The following VPS13D variants were observed in gnomAD, a reference collection of about 807,000 sequenced individuals.
VPS13D encodes the protein vacuolar protein sorting 13 homolog D.
Under a neutral mutation model 461.9 loss-of-function variants are expected in VPS13D, and 187 were observed. The observed-to-expected ratio is 0.40, with a 90% CI of 0.36 to 0.46. The LOEUF is 0.46. VPS13D is among the 20% of genes least tolerant of loss of function. The probability of loss-of-function intolerance (pLI) is 0.60; values close to 1 mark genes in which losing one functional copy is unlikely to be tolerated. For missense variants in VPS13D, 4,711 were observed against 5,364.9 expected (o/e 0.88, Z 3.81); for synonymous variants, 1,951 against 1,986.3 (o/e 0.98, Z 0.47).
chr1:12,230,294 T>C (rs1639918770), intron 1 of VPS13D, among the ~76,000 whole-genome samples, 174 bp downstream of exon 1: 1 of 151,978 alleles, frequency 6.6e-6, no homozygotes, highest in Non-Finnish European at 1.5e-5. Flanking sequence ...TCTGAGCCCC[T>C]CGGGGTAACC....
chr1:12,412,817 A>C (rs1336189128), intron 63 of VPS13D, among the ~76,000 whole-genome samples: 1 of 152,240 alleles, frequency 6.6e-6, no homozygotes, highest in Non-Finnish European at 1.5e-5. Flanking sequence ...CTTAAAATTA[A>C]GACTGTCTGA....
At chr1:12,367,916 A>G (rs1477272796) in intron 52 of VPS13D, among the ~76,000 whole-genome samples, 1 of 152,020 alleles carries the variant, frequency 6.6e-6, no homozygotes, top group East Asian at 1.9e-4. Context: ...TGCAATGCAG[A>G]TTTTTAAAAA....
chr1:12,373,771 G>T lies in VPS13D; in HGVS notation c.10830G>T (p.Arg3610Ser). 6.4e-7 allele frequency: 1 copy of T among 1,555,144 alleles called. No individual in the cohort carries two copies. Residue 3610 changes from arginine (R) to serine (S), a missense_variant, in exon 55 of 70, where the codon AGG becomes AGT. Arg to Ser is a moderately radical substitution (Grantham distance 110, BLOSUM62 -1). Around this residue, in one of 3 missense-constraint regions of VPS13D, gnomAD observed 4,411 missense variants for 4,937.8 expected, o/e 0.89. Coordinates refer to ENST00000620676, the MANE Select transcript of VPS13D (RefSeq NM_015378.4). ...TFSGLQEGTG[R>S]PVASNKAITC... is the part of the protein sequence containing the mutation. ...CTAGCTTGCAGGAGGGAACAGGCAG[G>T]CCTGTGGCTTCCAACAAGGCCATTA...
intron 44 of VPS13D, among the ~76,000 whole-genome samples, chr1:12,347,913 T>C (rs779715294): frequency 1.3e-5 from 2 of 152,352 alleles, no homozygotes; most frequent in African/African-American, 2.4e-5. Flanking sequence ...AATGAACATA[T>C]GGAAAAATAA....
At chr1:12,267,787 T>G in intron 14 of VPS13D, 58 bp from the exon 15 acceptor site, 1 of 1,486,702 alleles carries the variant, frequency 6.7e-7, no homozygotes, top group Admixed American at 1.7e-5. Flanking sequence ...TGGGTTTGTT[T>G]AGTGAATTGT....
chr1:12,510,930 G>T lies in VPS13D; in HGVS notation c.*1906G>T, dbSNP rs1051056765. 9 of 152,148 alleles carry T rather than the reference G, an allele frequency of 5.9e-5. No individual in the cohort carries two copies. Among genetic ancestry groups the T allele is most frequent in the African/African-American group, 2.2e-4 (9 of 41,414 alleles). 9.4% of individuals were successfully genotyped at this position (152,148 alleles called of 1,614,324 possible). A position where few individuals can be genotyped will look rare whatever the true frequency, so the allele number is the denominator to read the frequency against. On this transcript the variant is annotated 3_prime_UTR_variant, in exon 70 of 70. Transcript: ENST00000620676. ...CTGAGATCATGATCTCTTAAAAGAT[G>T]AGACTCTCGGAAGGGTTGATTGTAT... is the stretch of plus-strand genomic sequence containing the variant.
At chr1:12,338,194 A>T in intron 39 of VPS13D, 37 bp from the exon 40 acceptor site, 3 of 1,558,198 alleles carry the variant, frequency 1.9e-6, no homozygotes, top group Non-Finnish European at 1.8e-6. Flanking sequence ...CACTGTATTT[A>T]TTCTTAGCCT....
intron 11 of VPS13D, 73 bp from the exon 12 acceptor site, chr1:12,260,875 G>A: frequency 6.2e-7 from 1 of 1,607,398 alleles, no homozygotes; most frequent in South Asian, 1.1e-5. Context: ...GTGCTCCTGT[G>A]GGGAAACAGC....
Position 12,356,304 on chromosome 1 carries a change from C to G in VPS13D, c.9872-94C>G. Reference sequence around the variant, plus strand: ...CCACTAAATAGATTCAGTTTTCACTCTTTTCCCGCTTGATGGTTTTATTCA... The same window carrying G: ...CCACTAAATAGATTCAGTTTTCACTGTTTTCCCGCTTGATGGTTTTATTCA... On this transcript the variant is annotated intron_variant, in intron 48 of 69. Transcript: ENST00000620676. The G allele has an allele frequency of 2.0e-6, 3 of 1,475,586 alleles. No individual in the cohort carries two copies. In the South Asian group the frequency reaches 4.1e-5, roughly 20 times the overall value. 91.4% of individuals were successfully genotyped at this position (1,475,586 alleles called of 1,614,324 possible). A position where few individuals can be genotyped will look rare whatever the true frequency, so the allele number is the denominator to read the frequency against.
At position 12,276,203 on chromosome 1, in the gene VPS13D, G is replaced by A. The variant is rs749043709; in HGVS notation, c.2615G>A (p.Gly872Glu). ...LIYTSDPKYP[G>E]AVLSGNLPDL... The stretch of plus-strand genomic sequence containing the variant: ...TATACTTCAGATCCCAAATATCCAG[G>A]AGCCGTGCTCTCAGGCAACTTACCA... The change falls in exon 19 of 70, where the codon GGA becomes GAA. Residue 872 changes from glycine (G) to glutamate (E), a missense_variant. By Grantham distance (98) the Gly-to-Glu change is moderately conservative. Transcript: ENST00000620676. The surrounding 1 kb of genome is among the most constrained non-coding windows in gnomAD (Gnocchi z 4.5). The A allele has an allele frequency of 1.2e-6, 2 of 1,614,056 alleles. No individual in the cohort carries two copies. The highest frequency in any genetic ancestry group is 3.3e-5 in the Admixed American group (2 of 60,002).
chr1:12,249,414 T>G (rs950695281), intron 6 of VPS13D, 75 bp downstream of exon 6: 5 of 1,185,512 alleles, frequency 4.2e-6, no homozygotes, highest in African/African-American at 3.1e-5. Flanking sequence ...TTTTGCCATT[T>G]TGTGTTATGT....
intron 50 of VPS13D, among the ~76,000 whole-genome samples, chr1:12,361,399 A>ATTTTTT (rs1406588951): frequency 3.6e-5 from 5 of 140,638 alleles, no homozygotes; most frequent in African/African-American, 1.1e-4. Flanking sequence ...TTATTTATTT[A>ATTTTTT]TTTATTTTTT....
intron 9 of VPS13D, 107 bp from the exon 10 acceptor site, chr1:12,257,828 A>G: frequency 7.4e-7 from 1 of 1,343,638 alleles, no homozygotes; most frequent in Non-Finnish European, 1.0e-6. Context: ...CTGACAAGAG[A>G]AAAGATGTCT....
At chr1:12,230,623 C>T (rs1204553050) in intron 1 of VPS13D, among the ~76,000 whole-genome samples, 1 of 152,128 alleles carries the variant, frequency 6.6e-6, no homozygotes, top group Non-Finnish European at 1.5e-5. Context: ...CCTTAGCCAC[C>T]TCCCTTAATC....
chr1:12,271,213 ACT>A, intron 17 of VPS13D, 89 bp downstream of exon 17: 1 of 1,514,772 alleles, frequency 6.6e-7, no homozygotes, highest in Non-Finnish European at 9.1e-7. Flanking sequence ...AGATAGGCTT[ACT>A]TATATCAATT....
intron 7 of VPS13D, among the ~76,000 whole-genome samples, chr1:12,255,241 C>T (rs757197339): frequency 1.1e-4 from 16 of 152,140 alleles, no homozygotes; most frequent in African/African-American, 2.9e-4. Flanking sequence ...TCACCATGCC[C>T]GGCAGGTTTT....
chr1:12,410,274 T>C (rs1300526713), intron 63 of VPS13D, among the ~76,000 whole-genome samples: 25 of 152,030 alleles, frequency 1.6e-4, no homozygotes, highest in Admixed American at 1.6e-3. Flanking sequence ...ACTAGGGAGA[T>C]TAAAAGTGGA....
At chr1:12,331,419 C>G (rs2101554515) in intron 37 of VPS13D, among the ~76,000 whole-genome samples, 1 of 152,144 alleles carries the variant, frequency 6.6e-6, no homozygotes, top group Non-Finnish European at 1.5e-5. Flanking sequence ...ACCCTTATTT[C>G]TTCATTGTTC....
chr1:12,469,550 A>G (rs542262136), intron 67 of VPS13D, among the ~76,000 whole-genome samples: 60 of 152,342 alleles, frequency 3.9e-4, no homozygotes, highest in African/African-American at 1.4e-3. Context: ...CTCTAGTTGA[A>G]AATACAGTGA....
Sources: allele counts gnomAD v4.1 joint callset (sites outside exome capture counted in the v4.1 genomes callset), GRCh38; gene constraint gnomAD v4.1.1; regional missense constraint gnomAD v4.1.1; non-coding constraint Gnocchi (gnomAD v3.1); transcripts MANE v1.5; gene names NCBI Gene and HGNC (gene_info 2026-07-23, HGNC 2026-07-21).